Variants in SP1 observed in about 807,000 individuals in gnomAD.
SP1 encodes the protein transcription factor Sp1.
Under a neutral mutation model 66.3 loss-of-function variants are expected in SP1, and 6 were observed. The observed-to-expected ratio is 0.09, with a 90% CI of 0.05 to 0.18. The LOEUF (loss-of-function observed/expected upper bound fraction) is 0.18. Ranked by LOEUF, SP1 falls within the 10% of genes least tolerant of loss-of-function variation. The pLI, the probability that SP1 is intolerant of heterozygous loss-of-function variation, is 1.00. For missense variants in SP1, 848 were observed against 964.5 expected (o/e 0.88, Z 1.60); for synonymous variants, 417 against 360.8 (o/e 1.16, Z -1.77).
rs904735227 is a variant in SP1 at position 53,410,962 on chromosome 12, C to T, written c.2080C>T (p.Arg694Cys). The change falls in exon 6 of 6, where the codon CGC (arginine) becomes TGC (cysteine). Residue 694 changes from arginine to cysteine, a missense_variant. Physicochemically the swap from Arg to Cys is radical, Grantham distance 180. Around this residue, in one of 7 missense-constraint regions of SP1, gnomAD observed 39 missense variants for 124.2 expected, o/e 0.31. Transcript: ENST00000327443. Reference sequence around the variant, plus strand: ...ATTTGCCTGCCCTGAGTGTCCTAAGCGCTTCATGAGGAGTGACCACCTGTC... The same window carrying T: ...ATTTGCCTGCCCTGAGTGTCCTAAGTGCTTCATGAGGAGTGACCACCTGTC... ...KKFACPECPK[R>C]FMRSDHLSKH... 17 of 1,613,966 alleles carry T rather than the reference C, an allele frequency of 1.1e-5. No homozygotes were observed. The highest frequency in any genetic ancestry group is 1.4e-5 in the Non-Finnish European group (16 of 1,179,938).
chr12:53,383,399 A>T lies in SP1; in HGVS notation c.1452A>T (p.Leu484Phe). The T allele has an allele frequency of 1.9e-6, 3 of 1,614,194 alleles. No individual in the cohort carries two copies. The highest frequency in any genetic ancestry group is 2.5e-6 in the Non-Finnish European group (3 of 1,180,012). The change falls in exon 3 of 6, where the codon TTA (leucine) becomes TTT (phenylalanine). Residue 484 changes from leucine to phenylalanine, a missense_variant. Around this residue, in one of 7 missense-constraint regions of SP1, gnomAD observed 606 missense variants for 589.9 expected, o/e 1.03. Transcript: ENST00000327443. ...ACCCACAAGCCCAAACAATCACCTTAGCCCCAATGCAGGGTGTTTCCTTGG... is the reference window on the plus strand; with the variant it reads ...ACCCACAAGCCCAAACAATCACCTTTGCCCCAATGCAGGGTGTTTCCTTGG... ...VQNPQAQTITLAPMQGVSLGQ... is the reference protein window; with the variant it reads ...VQNPQAQTITFAPMQGVSLGQ...
intron 3 of SP1, among the ~76,000 whole-genome samples, chr12:53,383,925 C>T (rs891310361): frequency 2.0e-5 from 3 of 151,546 alleles, no homozygotes; most frequent in Admixed American, 6.6e-5. Flanking sequence ...CAGATAGTAA[C>T]GTAAATATTT....
At chr12:53,393,059 G>A (rs1267339314) in intron 3 of SP1, among the ~76,000 whole-genome samples, 2 of 149,962 alleles carry the variant, frequency 1.3e-5, no homozygotes, top group Non-Finnish European at 3.0e-5. Flanking sequence ...TCCTGACCTC[G>A]TGATCTGCCT....
chr12:53,400,755 A>ATT (rs10547195), intron 3 of SP1, among the ~76,000 whole-genome samples: 67 of 70,032 alleles, frequency 9.6e-4, no homozygotes, highest in African/African-American at 3.6e-3. Context: ...CACTGGGCTA[A>ATT]TTTTTTTTTT....
intron 3 of SP1, 27 bp from the exon 4 acceptor site, chr12:53,406,558 G>C: frequency 6.2e-7 from 1 of 1,610,304 alleles, no homozygotes; most frequent in South Asian, 1.1e-5. Context: ...CATGTCACAT[G>C]TTGACCCTTT....
Position 53,383,219 on chromosome 12 carries a change from C to A in SP1, c.1272C>A (p.Thr424=). 1.9e-6 allele frequency: 3 copies of A among 1,614,206 alleles called. No individual in the cohort carries two copies. Among genetic ancestry groups the A allele is most frequent in the Non-Finnish European group, 2.5e-6 (3 of 1,180,038 alleles). ...ALQAAPLSGQ[T]FTTQAISQET... ...AAGCAGCACCATTGTCAGGGCAGACCTTTACAACTCAAGCCATCTCCCAGG... is the reference window on the plus strand; with the variant it reads ...AAGCAGCACCATTGTCAGGGCAGACATTTACAACTCAAGCCATCTCCCAGG... The change falls in exon 3 of 6, where the codon ACC becomes ACA. Residue 424 remains threonine, a synonymous_variant. Coordinates refer to ENST00000327443, the MANE Select transcript of SP1 (RefSeq NM_138473.3).
At chr12:53,384,215 C>T (rs1223906604) in intron 3 of SP1, among the ~76,000 whole-genome samples, 22 of 151,820 alleles carry the variant, frequency 1.4e-4, no homozygotes, top group African/African-American at 4.6e-4. Flanking sequence ...GTGATCCGCC[C>T]GCCTCGGCCT....
intron 3 of SP1, among the ~76,000 whole-genome samples, chr12:53,387,421 C>A (rs1240516012): frequency 6.6e-6 from 1 of 152,144 alleles, no homozygotes; most frequent in East Asian, 1.9e-4. Context: ...GCTTAAGTTC[C>A]CTGATTTCTT....
rs775596739 is a variant in SP1 at position 53,382,330 on chromosome 12, C to A, written c.383C>A (p.Thr128Asn). ...PTSKEQSGSS[T>N]NGSNGSESSK... is the part of the protein sequence containing the mutation. ...TCAAAGGAACAGAGTGGCAGCAGTACCAATGGCAGCAATGGCAGTGAGTCT... is the reference window on the plus strand; with the variant it reads ...TCAAAGGAACAGAGTGGCAGCAGTAACAATGGCAGCAATGGCAGTGAGTCT... Residue 128 changes from threonine (T) to asparagine (N), a missense_variant, in exon 3 of 6, where the codon ACC (threonine) becomes AAC (asparagine). Thr to Asn is a moderately conservative substitution (Grantham distance 65). Coordinates refer to ENST00000327443, the MANE Select transcript of SP1 (RefSeq NM_138473.3). 5.0e-6 allele frequency: 8 copies of A among 1,614,062 alleles called. No individual in the cohort carries two copies. The highest frequency in any genetic ancestry group is 1.7e-5 in the Admixed American group (1 of 59,994).
In SP1 at chr12:53,380,290, C is replaced by A; in HGVS notation, c.-2C>A. On this transcript the variant is annotated 5_prime_UTR_variant, in exon 1 of 6. Transcript: ENST00000327443. ...CCTTGAGCTTGTCCCTCAGCTGCCA[C>A]CATGAGCGGTAAGGATGAGTCCACT... The A allele has an allele frequency of 6.2e-7, 1 of 1,606,926 alleles. No homozygotes were observed. Among genetic ancestry groups the A allele is most frequent in the Non-Finnish European group, 8.5e-7 (1 of 1,176,426 alleles).
chr12:53,400,754 AAT>A (rs1491534158), intron 3 of SP1, among the ~76,000 whole-genome samples: 51 of 90,952 alleles, frequency 5.6e-4, no homozygotes, highest in African/African-American at 2.0e-3. Flanking sequence ...ACACTGGGCT[AAT>A]TTTTTTTTTT....
At chr12:53,398,104 G>T (rs903420622) in intron 3 of SP1, among the ~76,000 whole-genome samples, 4 of 152,096 alleles carry the variant, frequency 2.6e-5, no homozygotes, top group Admixed American at 2.6e-4. Context: ...CTTGACTTCT[G>T]CTTATAGAAG....
Position 53,411,002 on chromosome 12 carries a change from C to G in SP1, c.2120C>G (p.Thr707Ser). 6.2e-7 allele frequency: 1 copy of G among 1,614,136 alleles called. No individual in the cohort carries two copies. Among genetic ancestry groups the G allele is most frequent in the Non-Finnish European group, 8.5e-7 (1 of 1,179,968 alleles). ...RSDHLSKHIKTHQNKKGGPGV... is the reference protein window; with the variant it reads ...RSDHLSKHIKSHQNKKGGPGV... ...GACCACCTGTCAAAACATATCAAGA[C>G]CCACCAGAATAAGAAGGGAGGCCCA... The change falls in exon 6 of 6, where the codon ACC becomes AGC. Residue 707 changes from threonine to serine, a missense_variant. Thr to Ser is a moderately conservative substitution (Grantham distance 58, BLOSUM62 1). This residue lies in a region of SP1 where 39 missense variants were observed against 124.2 expected (regional missense o/e 0.31). Coordinates refer to ENST00000327443, the MANE Select transcript of SP1 (RefSeq NM_138473.3).
intron 1 of SP1, chr12:53,381,443 A>G (rs1471748218): frequency 9.5e-6 from 4 of 419,158 alleles, no homozygotes; most frequent in Middle Eastern, 6.3e-4. Context: ...TTAATTTTGT[A>G]CAAGGGAGAA....
chr12:53,404,028 G>A (rs1938671042), intron 3 of SP1, among the ~76,000 whole-genome samples: 1 of 151,288 alleles, frequency 6.6e-6, no homozygotes, highest in Non-Finnish European at 1.5e-5. Flanking sequence ...AAAGTTAGCC[G>A]GGCGTGGTGA....
Position 53,395,989 on chromosome 12 carries a change from G to A in SP1, c.1676-10596G>A, listed in dbSNP as rs184480835. ...ACAAAAATTAGCTGGGTGTGCTGGC[G>A]CACGCCTGTAGTCCCAGCTACTCCA... On this transcript the variant is annotated intron_variant, in intron 3 of 5. Transcript: ENST00000327443. 2.6e-3 allele frequency among the ~76,000 whole-genome samples: 392 copies of A among 152,120 alleles called. 1 individual carries two copies. The highest frequency in any genetic ancestry group is 8.9e-3 in the African/African-American group (368 of 41,490).
chr12:53,406,525 T>G, intron 3 of SP1, 60 bp from the exon 4 acceptor site: 11 of 1,417,034 alleles, frequency 7.8e-6, no homozygotes, highest in Non-Finnish European at 1.1e-5. Flanking sequence ...AGGGTATCAC[T>G]GAGATGCCAG....
chr12:53,382,954 T>G lies in SP1; in HGVS notation c.1007T>G (p.Met336Arg). 6.2e-7 allele frequency: 1 copy of G among 1,613,984 alleles called. No homozygotes were observed. Among genetic ancestry groups the G allele is most frequent in the Non-Finnish European group, 8.5e-7 (1 of 1,179,988 alleles). ...SYSTTTTTSN[M>R]GIMNFTTSGS... ...TCAACTACTACTACCACCAGCAACA[T>G]GGGAATTATGAACTTTACTACCAGT... Residue 336 changes from methionine (M) to arginine (R), a missense_variant, in exon 3 of 6, where the codon ATG (methionine) becomes AGG (arginine). By Grantham distance (91) the Met-to-Arg change is moderately conservative. Around this residue, in one of 7 missense-constraint regions of SP1, gnomAD observed 606 missense variants for 589.9 expected, o/e 1.03. Coordinates refer to ENST00000327443, the MANE Select transcript of SP1 (RefSeq NM_138473.3).
Position 53,382,322 on chromosome 12 carries a change from C to T in SP1, c.375C>T (p.Gly125=), listed in dbSNP as rs777180290. The change falls in exon 3 of 6, where the codon GGC becomes GGT. Residue 125 remains glycine (G), a synonymous_variant. Transcript: ENST00000327443. ...CCCCTACCTCAAAGGAACAGAGTGG[C>T]AGCAGTACCAATGGCAGCAATGGCA... The part of the protein sequence containing the change: ...GATPTSKEQS[G]SSTNGSNGSE... 1.9e-6 allele frequency: 3 copies of T among 1,614,174 alleles called. No individual in the cohort carries two copies. Among genetic ancestry groups the T allele is most frequent in the Non-Finnish European group, 2.5e-6 (3 of 1,180,008 alleles).
Sources: allele counts gnomAD v4.1 joint callset (sites outside exome capture counted in the v4.1 genomes callset), GRCh38; gene constraint gnomAD v4.1.1; regional missense constraint gnomAD v4.1.1; transcripts MANE v1.5; gene names NCBI Gene and HGNC (gene_info 2026-07-23, HGNC 2026-07-21).